ASNS: variants seen among roughly 807,000 people sequenced by gnomAD.
ASNS encodes asparagine synthetase [glutamine-hydrolyzing].
ASNS carries 37 observed loss-of-function variants against 62.6 expected under a neutral mutation model. The observed-to-expected ratio is 0.59, with a 90% CI of 0.45 to 0.78. The LOEUF (loss-of-function observed/expected upper bound fraction) is 0.78, where lower values mean the gene tolerates loss of function less well. Ranked by LOEUF, ASNS falls within the 30% of genes least tolerant of loss-of-function variation. ASNS has a pLI of 0.00. For missense variants in ASNS, 520 were observed against 682.4 expected (o/e 0.76, Z 2.65); for synonymous variants, 207 against 237.9 (o/e 0.87, Z 1.19).
At chr7:97,885,066 A>G in the ASNS span, among the ~76,000 whole-genome samples, 1 of 152,148 alleles carries the variant, frequency 6.6e-6, no homozygotes, top group African/African-American at 2.4e-5. Context: ...CTAATTTTGT[A>G]TTTTTAGTAG....
At chr7:97,898,187 C>T in the ASNS span, among the ~76,000 whole-genome samples, 7 of 152,118 alleles carry the variant, frequency 4.6e-5, no homozygotes, top group South Asian at 6.2e-4. Flanking sequence ...CTCTGTCTCC[C>T]GCGTTCAAGT....
In ASNS at chr7:97,869,116, A is replaced by G; in HGVS notation, c.41T>C (p.Leu14Pro). The G allele has an allele frequency of 6.2e-7, 1 of 1,614,250 alleles. No individual in the cohort carries two copies. The highest frequency in any genetic ancestry group is 8.5e-7 in the Non-Finnish European group (1 of 1,180,046). Residue 14 changes from leucine (L) to proline (P), a missense_variant, in exon 3 of 13, where the codon CTT becomes CCT. By Grantham distance (98) the Leu-to-Pro change is moderately conservative. Transcript: ENST00000394308. ...CATAGCACTCAGACACTGAACAGAA[A>G]GGCAATCATCACTGCCAAACAGCGC... ...IWALFGSDDC[L>P]SVQCLSAMKI...
At chr7:97,868,806 G>T in intron 3 of ASNS, 102 bp downstream of exon 3, 1 of 1,506,498 alleles carries the variant, frequency 6.6e-7, no homozygotes, top group East Asian at 2.3e-5. Flanking sequence ...AACATAGAGT[G>T]CTTTGCAAAG....
chr7:97,862,137 G>C (rs1415925803), intron 4 of ASNS, among the ~76,000 whole-genome samples: 3 of 152,104 alleles, frequency 2.0e-5, no homozygotes, highest in African/African-American at 4.8e-5. Flanking sequence ...GGTAATTCAA[G>C]AATGGATAAA....
chr7:97,927,357 G>C, the ASNS span, among the ~76,000 whole-genome samples: 2 of 142,590 alleles, frequency 1.4e-5, no homozygotes, highest in African/African-American at 5.0e-5. Context: ...TTCTATGGAC[G>C]AGCATCCCTT....
At chr7:97,864,064 A>T in intron 4 of ASNS, 195 bp downstream of exon 4, 1 of 537,782 alleles carries the variant, frequency 1.9e-6, no homozygotes, top group Non-Finnish European at 3.2e-6. Flanking sequence ...CTAAAGAATC[A>T]TCCTTCAAGG....
Position 97,859,627 on chromosome 7 carries a change from G to A in ASNS, c.488-229C>T, listed in dbSNP as rs1198358719. 2.0e-5 allele frequency among the ~76,000 whole-genome samples: 3 copies of A among 152,160 alleles called. No individual in the cohort carries two copies. The East Asian group carries it at 5.8e-4, about 29-fold the overall frequency. On this transcript the variant is annotated intron_variant, in intron 4 of 12. Transcript: ENST00000394308. ...TACTGCCAAATTACACTAACTTTTC[G>A]TAATTCAAAGAAATAGAAAAATCTC...
chr7:97,894,483 A>G, the ASNS span, among the ~76,000 whole-genome samples: 1 of 75,580 alleles, frequency 1.3e-5, no homozygotes, highest in Non-Finnish European at 2.7e-5. Context: ...GGCTAACCAA[A>G]AAAAAAAAAA....
At chr7:97,874,686 G>A (rs1792402823), upstream of ASNS, among the ~76,000 whole-genome samples, 1 of 152,266 alleles carries the variant, frequency 6.6e-6, no homozygotes, top group Non-Finnish European at 1.5e-5. Flanking sequence ...CCGCAACACA[G>A]CACAGTGCCT....
At position 97,858,966 on chromosome 7, in the gene ASNS, A is replaced by G; in HGVS notation, c.674-11T>C. Reference sequence around the variant, plus strand: ...TTTCTATCTCAAAACCTATAAACACAGCAGTAAATCAAACAGCTCCAGAAA... The same window carrying G: ...TTTCTATCTCAAAACCTATAAACACGGCAGTAAATCAAACAGCTCCAGAAA... On this transcript the variant is annotated splice_polypyrimidine_tract_variant and intron_variant, in intron 5 of 12. Coordinates refer to ENST00000394308, the MANE Select transcript of ASNS (RefSeq NM_001673.5). The G allele has an allele frequency of 1.3e-6, 2 of 1,597,132 alleles. No individual in the cohort carries two copies.
Position 97,855,567 on chromosome 7 carries a change from T to A in ASNS, c.1031-108A>T, listed in dbSNP as rs563652840. 1.7e-4 allele frequency: 109 copies of A among 654,184 alleles called. No homozygotes were observed. In the Admixed American group the frequency reaches 2.2e-3, roughly 13 times the overall value. 40.5% of individuals were successfully genotyped at this position (654,184 alleles called of 1,614,324 possible). A position where few individuals can be genotyped will look rare whatever the true frequency, so the allele number is the denominator to read the frequency against. ...TGAAAGCTTTACTACTATACTGGAC[T>A]TCATATTAATATAAAGTAGTTTCCA... On this transcript the variant is annotated intron_variant, in intron 8 of 12. Coordinates refer to ENST00000394308, the MANE Select transcript of ASNS (RefSeq NM_001673.5).
the ASNS span, among the ~76,000 whole-genome samples, chr7:97,921,747 G>A: frequency 7.2e-5 from 11 of 152,328 alleles, 1 homozygote; most frequent in African/African-American, 2.6e-4. Flanking sequence ...AAGCACTGTG[G>A]AAGGATAGGG....
chr7:97,863,279 T>C (rs1286813302), intron 4 of ASNS: 3 of 152,216 alleles, frequency 2.0e-5, no homozygotes, highest in East Asian at 1.9e-4. Flanking sequence ...ATCCATGTAA[T>C]GGAATATCAT....
the ASNS span, among the ~76,000 whole-genome samples, chr7:97,924,083 C>T: frequency 2.7e-4 from 41 of 152,090 alleles, no homozygotes; most frequent in African/African-American, 8.5e-4. Context: ...CCTGCCAACC[C>T]TGCGGTTAAA....
At chr7:97,913,910 G>C in the ASNS span, among the ~76,000 whole-genome samples, 3 of 151,620 alleles carry the variant, frequency 2.0e-5, no homozygotes, top group Non-Finnish European at 2.9e-5. Flanking sequence ...AGGGATGGCT[G>C]AGTGGGTGGA....
chr7:97,899,541 CCAGT>C, the ASNS span, among the ~76,000 whole-genome samples: 1 of 152,152 alleles, frequency 6.6e-6, no homozygotes, highest in Non-Finnish European at 1.5e-5. Context: ...ACAAACATTA[CCAGT>C]CAATTTTAGA....
the ASNS span, among the ~76,000 whole-genome samples, chr7:97,922,713 A>C: frequency 6.6e-6 from 1 of 152,232 alleles, no homozygotes; most frequent in Non-Finnish European, 1.5e-5. Context: ...TCAATTAAAT[A>C]AATTCAACAA....
chr7:97,854,951 G>A, intron 9 of ASNS: 1 of 418,178 alleles, frequency 2.4e-6, no homozygotes, highest in East Asian at 4.7e-5. Flanking sequence ...TCAAGCTTAA[G>A]TAGTTTTATT....
At chr7:97,866,468 T>G (rs1376219890) in intron 3 of ASNS, among the ~76,000 whole-genome samples, 2 of 152,172 alleles carry the variant, frequency 1.3e-5, no homozygotes, top group East Asian at 3.9e-4. Context: ...AGTAAGAAGG[T>G]TTGATTAGGC....
Sources: gnomAD v4.1 joint callset for allele counts (sites outside exome capture counted in the v4.1 genomes callset) on GRCh38, gnomAD v4.1.1 for gene constraint, MANE v1.5 for transcripts, NCBI Gene and HGNC (gene_info 2026-07-23, HGNC 2026-07-21) for gene names.